PKD1L1: variants seen among roughly 807,000 people sequenced by gnomAD.
PKD1L1 encodes the protein polycystin 1 like 1, transient receptor potential channel interacting.
A neutral mutation model predicts 323.4 loss-of-function variants in PKD1L1; 236 were observed. The observed-to-expected ratio is 0.73, with a 90% confidence interval of 0.66 to 0.81. PKD1L1 has a LOEUF of 0.81. Ranked by LOEUF, PKD1L1 falls within the 40% of genes least tolerant of loss-of-function variation. PKD1L1 has a pLI of 0.00. For synonymous variants in PKD1L1, 1,344 were observed against 1,335.0 expected (o/e 1.01, Z -0.15); for missense variants, 3,320 against 3,508.0 (o/e 0.95, Z 1.35).
chr7:47,852,984 G>A, intron 31 of PKD1L1, 143 bp downstream of exon 31: 3 of 650,980 alleles, frequency 4.6e-6, no homozygotes, highest in Admixed American at 2.6e-5. Flanking sequence ...CTATAGTGGA[G>A]CAGTTTGTTT....
chr7:47,868,309 C>T (rs1786209610), intron 24 of PKD1L1, among the ~76,000 whole-genome samples: 1 of 152,008 alleles, frequency 6.6e-6, no homozygotes, highest in Admixed American at 6.5e-5. Context: ...GCTGAGGTTG[C>T]AGTGAGCCAA....
intron 26 of PKD1L1, among the ~76,000 whole-genome samples, chr7:47,859,919 C>T (rs1477845056): frequency 2.0e-5 from 3 of 152,052 alleles, no homozygotes; most frequent in African/African-American, 4.8e-5. Context: ...TGAGCCACCA[C>T]ACCCAGCCTA....
chr7:47,915,527 G>T lies in PKD1L1; in HGVS notation c.1133C>A (p.Thr378Asn). ...ACTTTGGCACAAGTAAACATTTAAA[G>T]TTGTATTTTGTGTCTCTGCTTCTTT... ...TYKEAETQNT[T>N]LNVYLCQSEN... The change falls in exon 8 of 57, where the codon ACT becomes AAT. Residue 378 changes from threonine (T) to asparagine (N), a missense_variant. Thr to Asn is a moderately conservative substitution (Grantham distance 65). Coordinates refer to ENST00000289672, the MANE Select transcript of PKD1L1 (RefSeq NM_138295.5). 1 of 1,537,774 alleles carries T rather than the reference G, an allele frequency of 6.5e-7. No individual in the cohort carries two copies. Among genetic ancestry groups the T allele is most frequent in the Non-Finnish European group, 9.0e-7 (1 of 1,110,816 alleles).
upstream of PKD1L1, among the ~76,000 whole-genome samples, chr7:47,948,889 G>C (rs956779353): frequency 1.5e-4 from 23 of 152,190 alleles, no homozygotes; most frequent in African/African-American, 5.3e-4. Context: ...CCTAGGAGGT[G>C]GAGGTTGCAG....
At chr7:47,948,730 G>C (rs1788152352), upstream of PKD1L1, among the ~76,000 whole-genome samples, 1 of 152,136 alleles carries the variant, frequency 6.6e-6, no homozygotes, top group Admixed American at 6.6e-5. Flanking sequence ...GGCCAAGGTG[G>C]GTGGATCACT....
Position 47,915,603 on chromosome 7 carries a change from TA to T in PKD1L1, c.1061-5del. On this transcript the variant is annotated splice_region_variant and splice_polypyrimidine_tract_variant and intron_variant, in intron 7 of 56. Coordinates refer to ENST00000289672, the MANE Select transcript of PKD1L1 (RefSeq NM_138295.5). ...TGTAAAAGATGAAAAAAAATACCTA[TA>T]AAAGCAAAAAGAAGAAAATAAAGAT... is the stretch of plus-strand genomic sequence containing the variant. 6.7e-7 allele frequency: 1 copy of T among 1,489,336 alleles called. No homozygotes were observed. Among genetic ancestry groups the T allele is most frequent in the Non-Finnish European group, 9.2e-7 (1 of 1,090,998 alleles). 92.3% of individuals were successfully genotyped at this position (1,489,336 alleles called of 1,614,324 possible).
chr7:47,800,932 G>A (rs1784648878), intron 53 of PKD1L1, 53 bp from the exon 54 acceptor site: 2 of 1,486,324 alleles, frequency 1.3e-6, no homozygotes, highest in Admixed American at 1.7e-5. Flanking sequence ...TCTTAGGAGT[G>A]GAAGACTCAA....
At position 47,812,063 on chromosome 7, in the gene PKD1L1, C is replaced by T. The variant is rs377233899; in HGVS notation, c.7347-12G>A. ...TGTGGGCTTCAGTCCTGTAAAACAG[C>T]ACACACTGGGGTAGGGCAGGGCAGG... is the stretch of plus-strand genomic sequence containing the variant. On this transcript the variant is annotated splice_polypyrimidine_tract_variant and intron_variant, in intron 49 of 56. Coordinates refer to ENST00000289672, the MANE Select transcript of PKD1L1 (RefSeq NM_138295.5). 5.8e-6 allele frequency: 9 copies of T among 1,552,002 alleles called. No homozygotes were observed. In the African/African-American group the frequency reaches 1.1e-4, roughly 19 times the overall value.
intron 31 of PKD1L1, among the ~76,000 whole-genome samples, chr7:47,851,234 G>A (rs1462042666): frequency 6.6e-6 from 1 of 152,136 alleles, no homozygotes; most frequent in Admixed American, 6.6e-5. Context: ...GGAAGGGCTG[G>A]CCAAACACAG....
At chr7:47,949,731 A>G (rs1245910711), upstream of PKD1L1, among the ~76,000 whole-genome samples, 1 of 152,226 alleles carries the variant, frequency 6.6e-6, no homozygotes, top group Non-Finnish European at 1.5e-5. Flanking sequence ...AGAGAGTGAT[A>G]CCAAGAAGAG....
Position 47,780,556 on chromosome 7 carries a change from C to G in PKD1L1, c.8527-5390G>C, listed in dbSNP as rs183906742. 8.8e-3 allele frequency among the ~76,000 whole-genome samples: 1,340 copies of G among 151,894 alleles called. 25 individuals carry two copies. The highest frequency in any genetic ancestry group is 0.03 in the African/African-American group (1,242 of 41,376). ...CTGAAGCATGAGAATCACGTGAACC[C>G]GGGAGGTGGAGGTTGTAGTGAGCCG... On this transcript the variant is annotated intron_variant, in intron 56 of 56. Coordinates refer to ENST00000289672, the MANE Select transcript of PKD1L1 (RefSeq NM_138295.5).
Position 47,812,631 on chromosome 7 carries a change from G to A in PKD1L1, c.7346+490C>T, listed in dbSNP as rs113891543. The stretch of plus-strand genomic sequence containing the variant: ...AGGTGCATGCTGCTTGGGGAGCCAC[G>A]GGTGGCTGTGGACAACAGTGTGACT... On this transcript the variant is annotated intron_variant, in intron 49 of 56. Transcript: ENST00000289672. Among the ~76,000 whole-genome samples, 280 of 152,282 alleles carry A rather than the reference G, an allele frequency of 1.8e-3. 3 individuals carry two copies. In the East Asian group the frequency reaches 0.028, roughly 15 times the overall value.
intron 56 of PKD1L1, among the ~76,000 whole-genome samples, chr7:47,777,959 T>G (rs1490060998): frequency 2.6e-5 from 4 of 152,224 alleles, no homozygotes; most frequent in Admixed American, 1.3e-4. Flanking sequence ...GTGGCGTCAG[T>G]GCCTGGGCAG....
At chr7:47,818,329 G>T (rs1041066421) in intron 46 of PKD1L1, 1 of 554,516 alleles carries the variant, frequency 1.8e-6, no homozygotes, top group Non-Finnish European at 2.7e-6. Context: ...TTTCAACAGA[G>T]GAAAGTGTTG....
chr7:47,809,490 G>A lies in PKD1L1; in HGVS notation c.7669C>T (p.Pro2557Ser). Residue 2557 changes from proline to serine, a missense_variant, in exon 51 of 57, where the codon CCA becomes TCA. Physicochemically the swap from Pro to Ser is moderately conservative, Grantham distance 74 (BLOSUM62 -1). Coordinates refer to ENST00000289672, the MANE Select transcript of PKD1L1 (RefSeq NM_138295.5). ...DKGVLSYWRK[P>S]RNWLELSVVG... ...GAGGCTACCTCCAGCCAGTTCCTTG[G>A]CTTTCGCCAGTAGCTGAGGACGCCC... 1.2e-6 allele frequency: 2 copies of A among 1,603,882 alleles called. No homozygotes were observed. Among genetic ancestry groups the A allele is most frequent in the East Asian group, 2.2e-5 (1 of 44,522 alleles).
At chr7:47,939,171 T>C (rs770982943) in intron 3 of PKD1L1, among the ~76,000 whole-genome samples, 3 of 152,186 alleles carry the variant, frequency 2.0e-5, no homozygotes, top group Non-Finnish European at 4.4e-5. Flanking sequence ...AATGCCTCCT[T>C]GAACTTTCGC....
intron 41 of PKD1L1, among the ~76,000 whole-genome samples, chr7:47,832,207 T>C (rs1328779612): frequency 6.6e-6 from 1 of 152,222 alleles, no homozygotes; most frequent in East Asian, 1.9e-4. Context: ...GGCGTTGTCC[T>C]AAGCCACACC....
chr7:47,907,411 G>T (rs970779411), intron 9 of PKD1L1, among the ~76,000 whole-genome samples: 1 of 151,774 alleles, frequency 6.6e-6, no homozygotes, highest in Non-Finnish European at 1.5e-5. Context: ...TAAGTGGCTG[G>T]AGTTCCCCAT....
rs570110948 is a variant in PKD1L1 at position 47,783,283 on chromosome 7, T to C, written c.8527-8117A>G. On this transcript the variant is annotated intron_variant, in intron 56 of 56. Transcript: ENST00000289672. ...TTTATAATTTTAATGATAATCAACA[T>C]GTACTAACATACAAACATCATTCTT... 9.8e-4 allele frequency among the ~76,000 whole-genome samples: 149 copies of C among 152,160 alleles called. 1 individual carries two copies. The highest frequency in any genetic ancestry group is 1.9e-4 in the East Asian group (1 of 5,184).
Sources: allele counts gnomAD v4.1 joint callset (sites outside exome capture counted in the v4.1 genomes callset), GRCh38; gene constraint gnomAD v4.1.1; transcripts MANE v1.5; gene names NCBI Gene and HGNC (gene_info 2026-07-23, HGNC 2026-07-21).